Variants in POLG observed in about 807,000 individuals in gnomAD.
POLG encodes the protein DNA polymerase subunit gamma-1.
Under a neutral mutation model 155.4 loss-of-function variants are expected in POLG, and 110 were observed. That is an observed-to-expected ratio of 0.71 (90% CI 0.61 to 0.83). The LOEUF (loss-of-function observed/expected upper bound fraction) is 0.83. Ranked by LOEUF, POLG falls within the 40% of genes least tolerant of loss-of-function variation. The pLI, the probability that POLG is intolerant of heterozygous loss-of-function variation, is 0.00. For synonymous variants in POLG, 701 were observed against 631.5 expected (o/e 1.11, Z -1.65); for missense variants, 1,685 against 1,627.5 (o/e 1.04, Z -0.61).
chr15:89,325,075 AGTGAGTGAGAGAGTGAGT>A (rs2055462235), intron 10 of POLG, among the ~76,000 whole-genome samples: 1 of 105,894 alleles, frequency 9.4e-6, no homozygotes, highest in South Asian at 3.1e-4. Flanking sequence ...TGAGTGAGTG[AGTGAGTGAGAGAGTGAGT>A]GAGTGAGAGA....
intron 9 of POLG, 39 bp from the exon 10 acceptor site, chr15:89,325,725 A>G: frequency 6.8e-7 from 1 of 1,464,518 alleles, no homozygotes; most frequent in South Asian, 1.1e-5. Flanking sequence ...CACGATGGTA[A>G]GGGCAGTTGT....
rs1281332289 is a variant in POLG, at chr15:89,323,526, C to CACCTAT, written c.2158-21_2158-16dup. On this transcript the variant is annotated splice_polypyrimidine_tract_variant and intron_variant, in intron 12 of 22. Coordinates refer to ENST00000268124, the MANE Select transcript of POLG (RefSeq NM_002693.3). Reference sequence around the variant, plus strand: ...CCACGGGCAGTCTGTGAGGGCCACACACCTATATCAGGCCCTGCTCCAGCA... The same window carrying CACCTAT: ...CCACGGGCAGTCTGTGAGGGCCACACACCTATACCTATATCAGGCCCTGCTCCAGCA... 6.6e-7 allele frequency: 1 copy of CACCTAT among 1,503,798 alleles called. No homozygotes were observed. The highest frequency in any genetic ancestry group is 9.3e-7 in the Non-Finnish European group (1 of 1,079,242). The allele number at this position is 1,503,798 out of a possible 1,614,324, so 93.2% of individuals were successfully genotyped here.
intron 18 of POLG, among the ~76,000 whole-genome samples, chr15:89,319,836 C>T (rs1043280492): frequency 1.3e-5 from 2 of 152,178 alleles, no homozygotes; most frequent in East Asian, 3.9e-4. Flanking sequence ...ACTGCCACAA[C>T]CCTAGACAAC....
In POLG at chr15:89,318,525, C is replaced by T. The variant is rs1324465747; in HGVS notation, c.3482+16G>A. 10 of 1,610,558 alleles carry T rather than the reference C, an allele frequency of 6.2e-6. No homozygotes were observed. The highest frequency in any genetic ancestry group is 7.6e-6 in the Non-Finnish European group (9 of 1,178,326). ...AGGAGCACATGGCCAGGCTAGAGGC[C>T]ATGGGCCCCGCATACCTGGTCAAGA... On this transcript the variant is annotated intron_variant, in intron 21 of 22. Transcript: ENST00000268124.
intron 6 of POLG, 37 bp downstream of exon 6, chr15:89,328,419 C>T (rs372614123): frequency 2.6e-6 from 4 of 1,547,246 alleles, no homozygotes; most frequent in Non-Finnish European, 3.6e-6. Context: ...CAGGAACACA[C>T]TGACCCCCAG....
At chr15:89,329,820 C>T (rs994139177) in intron 3 of POLG, among the ~76,000 whole-genome samples, 4 of 152,164 alleles carry the variant, frequency 2.6e-5, no homozygotes, top group African/African-American at 9.7e-5. Context: ...ACCTTCAAGA[C>T]CCATGCTAAG....
intron 2 of POLG, chr15:89,332,367 T>A (rs1316099529): frequency 6.6e-6 from 1 of 152,232 alleles, no homozygotes; most frequent in South Asian, 2.1e-4. Flanking sequence ...GTAAATAGTA[T>A]TTTAATCCTG....
At chr15:89,326,373 C>T (rs775564823) in intron 9 of POLG, among the ~76,000 whole-genome samples, 7 of 152,210 alleles carry the variant, frequency 4.6e-5, no homozygotes, top group Non-Finnish European at 1.0e-4. Context: ...TGTGTACACC[C>T]GGTGGCTGCC....
At chr15:89,318,840 C>T (rs990681034) in intron 20 of POLG, 91 bp from the exon 21 acceptor site, 2 of 1,565,912 alleles carry the variant, frequency 1.3e-6, no homozygotes, top group African/African-American at 2.7e-5. Context: ...TTCACTCTGG[C>T]CCTACCTACA....
rs955364612 is a variant in POLG at position 89,316,627 on chromosome 15, T to C, written c.*124A>G. On this transcript the variant is annotated 3_prime_UTR_variant, in exon 23 of 23. Transcript: ENST00000268124. ...AAGGAATCTTCTTGGCAGGTCCTGC[T>C]ACTGAAAAATGGCTGGCCTTAGGCA... The C allele has an allele frequency of 5.3e-6, 6 of 1,125,250 alleles. No homozygotes were observed. The highest frequency in any genetic ancestry group is 8.1e-6 in the Non-Finnish European group (6 of 745,192). 69.7% of individuals were successfully genotyped at this position (1,125,250 alleles called of 1,614,324 possible).
Position 89,325,572 on chromosome 15 carries a change from G to A in POLG, c.1827C>T (p.Gly609=). ...TPKLMALTWD[G]FPLHYSERHG... ...GACGCTCTGAGTAGTGCAGAGGGAA[G>A]CCATCCCAGGTAAGTGCCATGAGTT... Residue 609 remains glycine (G), a synonymous_variant, in exon 10 of 23, where the codon GGC becomes GGT. Coordinates refer to ENST00000268124, the MANE Select transcript of POLG (RefSeq NM_002693.3). 1 of 1,613,692 alleles carries A rather than the reference G, an allele frequency of 6.2e-7. No homozygotes were observed. Among genetic ancestry groups the A allele is most frequent in the East Asian group, 2.2e-5 (1 of 44,882 alleles).
At chr15:89,319,588 C>G (rs2055364392) in intron 18 of POLG, among the ~76,000 whole-genome samples, 1 of 152,206 alleles carries the variant, frequency 6.6e-6, no homozygotes, top group Non-Finnish European at 1.5e-5. Context: ...CTGGGCCACC[C>G]CATGGTAGCC....
rs539787090 is a variant in POLG at position 89,323,482 on chromosome 15, C to G, written c.2187G>C (p.Gln729His). 1 of 1,613,834 alleles carries G rather than the reference C, an allele frequency of 6.2e-7. No homozygotes were observed. The change falls in exon 13 of 23, where the codon CAG becomes CAC. Residue 729 changes from glutamine (Q) to histidine (H), a missense_variant. Physicochemically the swap from Gln to His is conservative, Grantham distance 24. This residue lies in a region of POLG where 1,210 missense variants were observed against 1,167.1 expected (regional missense o/e 1.04). Coordinates refer to ENST00000268124, the MANE Select transcript of POLG (RefSeq NM_002693.3). ...LTARGGPKDT[Q>H]PSYHHGNGPY... The stretch of plus-strand genomic sequence containing the variant: ...GTCCATTGCCATGGTGATAGCTGGG[C>G]TGGGTGTCCTTGGGGCCACCACGGG...
At chr15:89,325,061 T>TGAGTGAGA (rs1555453285) in intron 10 of POLG, among the ~76,000 whole-genome samples, 1 of 70,126 alleles carries the variant, frequency 1.4e-5, no homozygotes, top group Admixed American at 1.3e-4. Context: ...AGTGAGAGAG[T>TGAGTGAGA]GAGTGAGTGA....
chr15:89,333,746 G>C lies in POLG; in HGVS notation c.9C>G (p.Arg3=). The C allele has an allele frequency of 1.3e-6, 2 of 1,535,322 alleles. No individual in the cohort carries two copies. The highest frequency in any genetic ancestry group is 1.7e-6 in the Non-Finnish European group (2 of 1,146,480). MS[R]LLWRKVAGAT... ...CGCCGGCCACCTTCCTCCAGAGCAG[G>C]CGGCTCATGGTTGGTGCAGGGACCC... The change falls in exon 2 of 23, where the codon CGC becomes CGG. Residue 3 remains arginine, a synonymous_variant. Coordinates refer to ENST00000268124, the MANE Select transcript of POLG (RefSeq NM_002693.3).
intron 16 of POLG, 58 bp downstream of exon 16, chr15:89,321,678 C>A (rs1207140937): frequency 1.6e-6 from 2 of 1,270,532 alleles, no homozygotes; most frequent in Non-Finnish European, 2.3e-6. Context: ...CCTCAGAGCC[C>A]AGTTTCTACA....
In POLG at chr15:89,333,716, G is replaced by A. The variant is rs535213599; in HGVS notation, c.39C>T (p.Thr13=). Residue 13 remains threonine (T), a synonymous_variant, in exon 2 of 23, where the codon ACC becomes ACT. Coordinates refer to ENST00000268124, the MANE Select transcript of POLG (RefSeq NM_002693.3). ...RLLWRKVAGA[T]VGPGPVPAPG... ...GAGCTGGAACCGGCCCTGGCCCGAC[G>A]GTGGCGCCGGCCACCTTCCTCCAGA... 1.5e-5 allele frequency: 23 copies of A among 1,536,662 alleles called. No homozygotes were observed. In the African/African-American group the frequency reaches 3.0e-4, roughly 20 times the overall value.
At chr15:89,320,344 TA>T (rs1442931943) in intron 18 of POLG, among the ~76,000 whole-genome samples, 18 of 152,204 alleles carry the variant, frequency 1.2e-4, no homozygotes. Flanking sequence ...GGAGGCCTGG[TA>T]ATGCTTTCTC....
At chr15:89,331,158 A>C (rs1181605737) in intron 2 of POLG, among the ~76,000 whole-genome samples, 1 of 152,158 alleles carries the variant, frequency 6.6e-6, no homozygotes, top group Non-Finnish European at 1.5e-5. Context: ...AAAAGGGAGT[A>C]TCTGCCTCAA....
Sources: gnomAD v4.1 joint callset for allele counts (sites outside exome capture counted in the v4.1 genomes callset) on GRCh38, gnomAD v4.1.1 for gene constraint, gnomAD v4.1.1 regional missense constraint, MANE v1.5 for transcripts, NCBI Gene and HGNC (gene_info 2026-07-23, HGNC 2026-07-21) for gene names.